The following C4orf51 variants were observed in gnomAD, a reference collection of about 807,000 sequenced individuals.
C4orf51 encodes chromosome 4 open reading frame 51.
In C4orf51, 25 loss-of-function variants were observed where a neutral mutation model predicts 25.2. That is an observed-to-expected ratio of 0.99 (90% CI 0.72 to 1.39). The LOEUF is 1.39. C4orf51 is among the 40% of genes most tolerant of loss of function. The pLI, the probability that C4orf51 is intolerant of heterozygous loss-of-function variation, is 0.00. For missense variants in C4orf51, 252 were observed against 239.6 expected (o/e 1.05, Z -0.34); for synonymous variants, 100 against 84.5 (o/e 1.18, Z -1.01).
chr4:145,733,511 C>G (rs1330366259), downstream of C4orf51, among the ~76,000 whole-genome samples: 1 of 152,230 alleles, frequency 6.6e-6, no homozygotes, highest in African/African-American at 2.4e-5. Context: ...AAGTAGCCGC[C>G]TCCTACCACT....
the C4orf51 span, chr4:145,779,564 T>C: frequency 6.3e-7 from 1 of 1,587,422 alleles, no homozygotes; most frequent in Non-Finnish European, 8.6e-7. Flanking sequence ...GAATACATTT[T>C]CTGTTAGTCA....
intron 1 of C4orf51, among the ~76,000 whole-genome samples, chr4:145,751,378 T>A (rs1733665642): frequency 6.6e-6 from 1 of 152,174 alleles, no homozygotes; most frequent in African/African-American, 2.4e-5. Flanking sequence ...AATGCTATGG[T>A]TCTTGCAGGA....
chr4:145,721,589 T>C (rs981413508), intron 2 of C4orf51, among the ~76,000 whole-genome samples: 5 of 152,166 alleles, frequency 3.3e-5, no homozygotes, highest in African/African-American at 9.7e-5. Flanking sequence ...GACTAAGAAA[T>C]GGTTAAATGT....
At chr4:145,787,781 C>G in the C4orf51 span, among the ~76,000 whole-genome samples, 1 of 152,140 alleles carries the variant, frequency 6.6e-6, no homozygotes, top group African/African-American at 2.4e-5. Context: ...GTAGAGGACT[C>G]TGATACTTCC....
At chr4:145,724,880 CAAAAAA>C (rs1222983724) in intron 2 of C4orf51, among the ~76,000 whole-genome samples, 2 of 68,324 alleles carry the variant, frequency 2.9e-5, no homozygotes, top group Non-Finnish European at 5.5e-5. Flanking sequence ...AAGACTGTCT[CAAAAAA>C]AAAAAAAAAA....
downstream of C4orf51, among the ~76,000 whole-genome samples, chr4:145,773,566 C>G (rs989227413): frequency 2.0e-5 from 3 of 152,220 alleles, no homozygotes; most frequent in African/African-American, 7.2e-5. Context: ...GCAGACGGAG[C>G]TCCTCCTCAT....
intron 1 of C4orf51, among the ~76,000 whole-genome samples, chr4:145,752,510 G>A (rs1733725961): frequency 6.6e-6 from 1 of 152,162 alleles, no homozygotes; most frequent in Non-Finnish European, 1.5e-5. Flanking sequence ...TGGCTGAACT[G>A]TTATCCAAGT....
At chr4:145,710,737 A>G (rs899057035) in intron 2 of C4orf51, among the ~76,000 whole-genome samples, 1 of 151,124 alleles carries the variant, frequency 6.6e-6, no homozygotes, top group African/African-American at 2.4e-5. Flanking sequence ...TTTTAGAGAG[A>G]CAGTTAAGCC....
the C4orf51 span, among the ~76,000 whole-genome samples, chr4:145,780,992 C>G: frequency 5.3e-5 from 8 of 152,094 alleles, no homozygotes; most frequent in African/African-American, 1.9e-4. Flanking sequence ...GTCAGAAGAT[C>G]GAGACCATCC....
the C4orf51 span, among the ~76,000 whole-genome samples, chr4:145,784,521 C>T: frequency 3.9e-5 from 6 of 152,268 alleles, no homozygotes; most frequent in East Asian, 1.2e-3. Flanking sequence ...AACAAGTGTA[C>T]ACCCAGCTGA....
intron 2 of C4orf51, among the ~76,000 whole-genome samples, chr4:145,720,652 G>C (rs1057095952): frequency 2.6e-5 from 4 of 152,178 alleles, no homozygotes; most frequent in Non-Finnish European, 4.4e-5. Context: ...CCTGGTACAA[G>C]GCCTTACAGG....
rs7688714 is a variant in C4orf51, at chr4:145,685,125, A to G, written c.233+4689A>G. On this transcript the variant is annotated intron_variant, in intron 1 of 5. Coordinates refer to ENST00000438731, the MANE Select transcript of C4orf51 (RefSeq NM_001080531.3). ...TTGACATAGCTATAGTATTGAACCT[A>G]TCAACCACAGAATATACATTCTGTG... is the stretch of plus-strand genomic sequence containing the variant. Among the ~76,000 whole-genome samples, 826 of 152,290 alleles carry G rather than the reference A, an allele frequency of 5.4e-3. 8 individuals are homozygous for G. Among genetic ancestry groups the G allele is most frequent in the African/African-American group, 0.019 (789 of 41,568 alleles).
intron 1 of C4orf51, among the ~76,000 whole-genome samples, chr4:145,689,924 G>C (rs913257951): frequency 6.6e-6 from 1 of 152,150 alleles, no homozygotes; most frequent in Admixed American, 6.5e-5. Context: ...CCTAGAAGAG[G>C]CTGGGCGCGG....
At chr4:145,707,072 CT>C (rs1159373369) in intron 2 of C4orf51, among the ~76,000 whole-genome samples, 1 of 152,276 alleles carries the variant, frequency 6.6e-6, no homozygotes, top group East Asian at 1.9e-4. Context: ...CCACCTCGGC[CT>C]CCCAAAGTGC....
chr4:145,704,218 AG>A (rs1224242367), intron 2 of C4orf51, among the ~76,000 whole-genome samples: 2 of 152,220 alleles, frequency 1.3e-5, no homozygotes, highest in East Asian at 3.8e-4. Context: ...TAAAGGTGTC[AG>A]TTCATCTGTC....
chr4:145,747,765 T>TTC (rs1198954052), intron 1 of C4orf51, among the ~76,000 whole-genome samples: 241 of 145,754 alleles, frequency 1.7e-3, no homozygotes, highest in African/African-American at 5.9e-3. Flanking sequence ...CCTTCCTTCC[T>TTC]CTCTCTTTTC....
rs374423031 is a variant in C4orf51, at chr4:145,762,312, C to T, written n.167-8676C>T. On this transcript the variant is annotated intron_variant and non_coding_transcript_variant, in intron 1 of 1. Transcript: ENST00000510096. This position sits in a 1 kb window ranked among gnomAD's most constrained non-coding sequence, Gnocchi z 4.9. ...TGGGAGGAGAAGGAAGCCCACCCAA[C>T]GGCCCATCTGCTAATGAGGAAGGGA... Among the ~76,000 whole-genome samples the T allele has an allele frequency of 1.4e-4, 22 of 152,284 alleles. No homozygotes were observed. The highest frequency in any genetic ancestry group is 4.3e-4 in the African/African-American group (18 of 41,552).
At chr4:145,732,998 G>A (rs1732571779), downstream of C4orf51, among the ~76,000 whole-genome samples, 3 of 152,214 alleles carry the variant, frequency 2.0e-5, no homozygotes, top group Admixed American at 2.0e-4. Flanking sequence ...CTCCGCGCAA[G>A]GCGCCGCCGG....
chr4:145,749,944 A>G (rs1475506359), intron 1 of C4orf51, among the ~76,000 whole-genome samples: 1 of 152,122 alleles, frequency 6.6e-6, no homozygotes, highest in Non-Finnish European at 1.5e-5. Context: ...ATCACCCATT[A>G]TTTTAAACTG....
Sources: allele counts gnomAD v4.1 joint callset (sites outside exome capture counted in the v4.1 genomes callset), GRCh38; gene constraint gnomAD v4.1.1; non-coding constraint Gnocchi (gnomAD v3.1); transcripts MANE v1.5; gene names NCBI Gene and HGNC (gene_info 2026-07-23, HGNC 2026-07-21).